TPP2: variants seen among roughly 807,000 people sequenced by gnomAD.
TPP2 encodes tripeptidyl-peptidase 2.
In TPP2, 34 loss-of-function variants were observed where a neutral mutation model predicts 155.9. That is an observed-to-expected ratio of 0.22 (90% confidence interval 0.17 to 0.29). TPP2 has a LOEUF of 0.29. Ranked by LOEUF, TPP2 falls within the 10% of genes least tolerant of loss-of-function variation. TPP2 has a pLI of 1.00. For missense variants in TPP2, 1,028 were observed against 1,522.3 expected, an observed-to-expected ratio of 0.68 and a Z score of 5.40; for synonymous variants, 510 against 529.4, an observed-to-expected ratio of 0.96 and a Z score of 0.50.
intron 11 of TPP2, among the ~76,000 whole-genome samples, chr13:102,634,410 C>A (rs1882234231): frequency 6.6e-6 from 1 of 152,080 alleles, no homozygotes; most frequent in Admixed American, 6.6e-5. Flanking sequence ...GATAAACAGA[C>A]TCTGAACAAA....
intron 13 of TPP2, among the ~76,000 whole-genome samples, chr13:102,636,650 G>T (rs1005867666): frequency 1.3e-5 from 2 of 152,186 alleles, no homozygotes; most frequent in African/African-American, 4.8e-5. Flanking sequence ...TTATTAAATT[G>T]TGGATAATAA....
intron 2 of TPP2, among the ~76,000 whole-genome samples, chr13:102,610,928 C>A (rs1267546160): frequency 6.6e-6 from 1 of 152,196 alleles, no homozygotes; most frequent in African/African-American, 2.4e-5. Flanking sequence ...TATATCACAG[C>A]CTATTTCAAC....
intron 6 of TPP2, among the ~76,000 whole-genome samples, chr13:102,626,673 C>A (rs751978264): frequency 6.6e-6 from 1 of 152,126 alleles, no homozygotes; most frequent in African/African-American, 2.4e-5. Context: ...GCTTAATTTG[C>A]GTTTCCTAGA....
chr13:102,624,008 T>C (rs1357084201), intron 6 of TPP2, among the ~76,000 whole-genome samples: 1 of 152,196 alleles, frequency 6.6e-6, no homozygotes, highest in African/African-American at 2.4e-5. Context: ...TTAAATTGCA[T>C]GTAGTTGGTG....
intron 24 of TPP2, among the ~76,000 whole-genome samples, chr13:102,651,736 AAT>A (rs1491589215): frequency 0.011 from 1,054 of 92,618 alleles, 6 homozygotes; most frequent in Middle Eastern, 0.062. Context: ...TGGATGTGAT[AAT>A]TTTTTTTTTT....
At chr13:102,647,737 A>C (rs928584213) in intron 21 of TPP2, among the ~76,000 whole-genome samples, 14 of 152,216 alleles carry the variant, frequency 9.2e-5, no homozygotes, top group Non-Finnish European at 1.8e-4. Context: ...GCACTGCAGC[A>C]GTGGCCGCAT....
chr13:102,623,619 T>G (rs924966023), intron 6 of TPP2, among the ~76,000 whole-genome samples: 2 of 152,202 alleles, frequency 1.3e-5, no homozygotes, highest in African/African-American at 4.8e-5. Context: ...CCTCGAAATC[T>G]TAACTCTTGA....
intron 28 of TPP2, 144 bp downstream of exon 28, chr13:102,674,634 C>A: frequency 1.3e-6 from 1 of 795,184 alleles, no homozygotes; most frequent in Non-Finnish European, 1.9e-6. Flanking sequence ...TAGCCTAGTA[C>A]TTCATGTTTG....
intron 6 of TPP2, among the ~76,000 whole-genome samples, chr13:102,625,093 C>T (rs1485376034): frequency 2.7e-5 from 4 of 148,104 alleles, no homozygotes; most frequent in African/African-American, 9.9e-5. Context: ...TTCCTGACCT[C>T]GTGATCCACC....
intron 12 of TPP2, 139 bp from the exon 13 acceptor site, chr13:102,636,085 G>A (rs1882360095): frequency 4.1e-6 from 3 of 730,660 alleles, no homozygotes; most frequent in East Asian, 5.5e-5. Flanking sequence ...CTCTTAGTTG[G>A]GGTACTAGGT....
chr13:102,671,310 T>C (rs1884968098), intron 27 of TPP2, among the ~76,000 whole-genome samples: 1 of 152,154 alleles, frequency 6.6e-6, no homozygotes, highest in Admixed American at 6.5e-5. Context: ...TGCCAGACTT[T>C]TTGGGAATGA....
intron 6 of TPP2, among the ~76,000 whole-genome samples, chr13:102,624,331 C>T (rs192910400): frequency 6.6e-6 from 1 of 152,182 alleles, no homozygotes; most frequent in East Asian, 1.9e-4. Context: ...CTTTAACGTC[C>T]CCCTCCTACC....
intron 16 of TPP2, among the ~76,000 whole-genome samples, chr13:102,641,987 G>C (rs1346088499): frequency 6.6e-6 from 1 of 152,188 alleles, no homozygotes; most frequent in Non-Finnish European, 1.5e-5. Context: ...GGATTAGAGG[G>C]AGGCAGCACA....
intron 1 of TPP2, among the ~76,000 whole-genome samples, chr13:102,597,772 G>A (rs896118451): frequency 6.6e-6 from 1 of 152,254 alleles, no homozygotes; most frequent in Non-Finnish European, 1.5e-5. Flanking sequence ...TTGTCTTTAA[G>A]CACGAAAGCT....
intron 16 of TPP2, among the ~76,000 whole-genome samples, chr13:102,642,615 G>A (rs894178184): frequency 2.6e-5 from 4 of 152,114 alleles, no homozygotes; most frequent in Admixed American, 2.6e-4. Flanking sequence ...ATTGCGCCTT[G>A]CTTCAGTTCC....
intron 27 of TPP2, among the ~76,000 whole-genome samples, chr13:102,672,443 G>T (rs753295909): frequency 6.6e-6 from 1 of 152,092 alleles, no homozygotes; most frequent in African/African-American, 2.4e-5. Flanking sequence ...CTCAGGCTCC[G>T]GATAAGAGAA....
intron 27 of TPP2, among the ~76,000 whole-genome samples, chr13:102,669,964 TAAAC>T (rs1010450708): frequency 1.3e-4 from 20 of 152,066 alleles, no homozygotes; most frequent in African/African-American, 4.6e-4. Context: ...CTGCAATAAA[TAAAC>T]AGAGTAAGCA....
rs1040238589 is a variant in TPP2, at chr13:102,648,871, A to T, written c.2629-36A>T. ...CAGTGATTTCCGTTGACTTGGTTAA[A>T]CTTAACTTTTCCCAAATGTTGTTTT... On this transcript the variant is annotated intron_variant, in intron 21 of 29. Transcript: ENST00000376052. The T allele has an allele frequency of 5.8e-6, 9 of 1,555,976 alleles. No homozygotes were observed. The African/African-American group carries it at 9.7e-5, about 17-fold the overall frequency.
At position 102,616,489 on chromosome 13, in the gene TPP2, G is replaced by A. The variant is rs202026163; in HGVS notation, c.484G>A (p.Gly162Ser). 6.8e-6 allele frequency: 11 copies of A among 1,609,874 alleles called. No individual in the cohort carries two copies. The East Asian group carries it at 8.9e-5, about 13-fold the overall frequency. ...GGAAGAATTTGATGTTGCCAACAACGGCTCTTCTCAAGTTGGTGCTAGTCG... is the reference window on the plus strand; with the variant it reads ...GGAAGAATTTGATGTTGCCAACAACAGCTCTTCTCAAGTTGGTGCTAGTCG... ...KQEEFDVANN[G>S]SSQANKLIKE... The change falls in exon 4 of 30, where the codon GGC becomes AGC. Residue 162 changes from glycine to serine, a missense_variant. Physicochemically the swap from Gly to Ser is moderately conservative, Grantham distance 56. Around this residue, in one of 7 missense-constraint regions of TPP2, gnomAD observed 300 missense variants for 398.3 expected, o/e 0.75. Coordinates refer to ENST00000376052, the MANE Select transcript of TPP2 (RefSeq NM_001330588.2).
Sources: gnomAD v4.1 joint callset for allele counts (sites outside exome capture counted in the v4.1 genomes callset) on GRCh38, gnomAD v4.1.1 for gene constraint, gnomAD v4.1.1 regional missense constraint, MANE v1.5 for transcripts, NCBI Gene and HGNC (gene_info 2026-07-23, HGNC 2026-07-21) for gene names.